Variants in ANKAR observed in about 807,000 individuals in gnomAD.
The protein encoded by ANKAR is ankyrin and armadillo repeat-containing protein.
Under a neutral mutation model 146.2 loss-of-function variants are expected in ANKAR, and 136 were observed. The observed-to-expected ratio is 0.93, with a 90% CI of 0.81 to 1.07. ANKAR has a LOEUF of 1.07. Ranked by LOEUF, ANKAR falls within the 50% of genes least tolerant of loss-of-function variation. ANKAR has a pLI of 0.00. For synonymous variants in ANKAR, 500 were observed against 575.8 expected, an observed-to-expected ratio of 0.87 and a Z score of 1.88; for missense variants, 1,567 against 1,679.9, an observed-to-expected ratio of 0.93 and a Z score of 1.18.
chr2:189,720,073 T>C (rs2041053852), intron 11 of ANKAR, among the ~76,000 whole-genome samples: 1 of 152,188 alleles, frequency 6.6e-6, no homozygotes, highest in Non-Finnish European at 1.5e-5. Context: ...CAGTGCAGTG[T>C]CTACAATGGC....
intron 15 of ANKAR, among the ~76,000 whole-genome samples, chr2:189,729,715 T>TGTGTGTGTGTGTGTGTGTGTGGGG (rs61101787): frequency 2.8e-5 from 4 of 141,484 alleles, no homozygotes; most frequent in East Asian, 4.4e-4. Context: ...TGTGTGTGTG[T>TGTGTGTGTGTGTGTGTGTGTGGGG]GGTGCGGGTG....
At chr2:189,691,229 T>A (rs2036346132) in intron 3 of ANKAR, among the ~76,000 whole-genome samples, 1 of 152,186 alleles carries the variant, frequency 6.6e-6, no homozygotes, top group Non-Finnish European at 1.5e-5. Flanking sequence ...CTAATTTTTC[T>A]GTTTTTAGTA....
intron 10 of ANKAR, among the ~76,000 whole-genome samples, chr2:189,715,831 C>A (rs2040391809): frequency 6.6e-6 from 1 of 152,144 alleles, no homozygotes; most frequent in Non-Finnish European, 1.5e-5. Flanking sequence ...GAACCAACGA[C>A]AAAAACCACA....
In ANKAR at chr2:189,745,018, C is replaced by A. The variant is rs376630822; in HGVS notation, c.4057+230C>A. Among the ~76,000 whole-genome samples the A allele has an allele frequency of 7.4e-3, 399 of 53,866 alleles. 1 individual carries two copies. The highest frequency in any genetic ancestry group is 0.015 in the South Asian group (14 of 936). The allele number at this position is 53,866 out of a possible 152,430, so 35.3% of individuals were successfully genotyped here. ...ACTACTACTACTACTACTACTACTA[C>A]TACTACTACTAATAATACAAAAATT... On this transcript the variant is annotated intron_variant, in intron 22 of 22. Coordinates refer to ENST00000684021, the MANE Select transcript of ANKAR (RefSeq NM_001378068.1).
downstream of ANKAR, chr2:189,750,755 A>G: frequency 8.7e-6 from 7 of 808,116 alleles, no homozygotes; most frequent in African/African-American, 1.8e-5. Flanking sequence ...ATAAATATCA[A>G]ATATTTAATT....
At chr2:189,702,258 TC>T (rs981194111) in intron 7 of ANKAR, among the ~76,000 whole-genome samples, 9 of 152,180 alleles carry the variant, frequency 5.9e-5, no homozygotes, top group Non-Finnish European at 1.2e-4. Flanking sequence ...CTTTTCTCCC[TC>T]CCCCTGCTGG....
chr2:189,711,205 T>G, intron 10 of ANKAR, 52 bp downstream of exon 10: 1 of 1,306,148 alleles, frequency 7.7e-7, no homozygotes, highest in Non-Finnish European at 1.1e-6. Context: ...TAGAGCTATA[T>G]TTTATTCATC....
In ANKAR at chr2:189,704,939, G is replaced by C. The variant is rs2038716103; in HGVS notation, c.1709-84G>C. 23 of 1,302,510 alleles carry C rather than the reference G, an allele frequency of 1.8e-5. No individual in the cohort carries two copies. In the South Asian group the frequency reaches 2.8e-4, roughly 16 times the overall value. 80.7% of individuals were successfully genotyped at this position (1,302,510 alleles called of 1,614,324 possible). On this transcript the variant is annotated intron_variant, in intron 7 of 22. Transcript: ENST00000684021. ...TTTATATCATACAATACTAAGCTCT[G>C]TGGCTGGATATCAATAAGGCATTTA...
rs778140524 is a variant in ANKAR, at chr2:189,746,471, C to A, written c.4149C>A (p.Phe1383Leu). 29 of 1,613,696 alleles carry A rather than the reference C, an allele frequency of 1.8e-5. No homozygotes were observed. The South Asian group carries it at 3.1e-4, about 17-fold the overall frequency. ...CTGTAACTAACTTCATGGGACTCTT[C>A]AAAGCAACAAAAAAGACCAAGGATT... ...LPPVTNFMGL[F>L]KATKKTKDSH... The change falls in exon 23 of 23, where the codon TTC becomes TTA. Residue 1383 changes from phenylalanine to leucine, a missense_variant. Coordinates refer to ENST00000684021, the MANE Select transcript of ANKAR (RefSeq NM_001378068.1).
chr2:189,744,713 T>C (rs764269909), intron 21 of ANKAR, 29 bp from the exon 22 acceptor site: 14 of 1,543,274 alleles, frequency 9.1e-6, no homozygotes, highest in East Asian at 2.3e-5. Flanking sequence ...TCTTCATTTA[T>C]TTTAATGACA....
chr2:189,732,865 C>T (rs915508793), intron 16 of ANKAR, among the ~76,000 whole-genome samples: 2 of 151,962 alleles, frequency 1.3e-5, no homozygotes, highest in Admixed American at 6.6e-5. Flanking sequence ...CTCCAGTGCC[C>T]TCAAATGGAG....
At chr2:189,718,931 A>T (rs981682905) in intron 10 of ANKAR, among the ~76,000 whole-genome samples, 5 of 151,292 alleles carry the variant, frequency 3.3e-5, no homozygotes, top group Non-Finnish European at 7.4e-5. Flanking sequence ...TTGTATTTTT[A>T]GTAGAGACGG....
chr2:189,694,975 T>A lies in ANKAR; in HGVS notation c.1308-6T>A. The A allele has an allele frequency of 7.0e-7, 1 of 1,431,406 alleles. No homozygotes were observed. The highest frequency in any genetic ancestry group is 9.3e-7 in the Non-Finnish European group (1 of 1,080,898). 88.7% of individuals were successfully genotyped at this position (1,431,406 alleles called of 1,614,324 possible). On this transcript the variant is annotated splice_polypyrimidine_tract_variant and splice_region_variant and intron_variant, in intron 5 of 22. Transcript: ENST00000684021. Reference sequence around the variant, plus strand: ...GAAACATCTTTTTTTTCTTTATTTTTTATAGCTACTATGTGATCTATTTTG... The same window carrying A: ...GAAACATCTTTTTTTTCTTTATTTTATATAGCTACTATGTGATCTATTTTG...
At chr2:189,677,945 T>C (rs1260781981) in intron 2 of ANKAR, among the ~76,000 whole-genome samples, 1 of 152,202 alleles carries the variant, frequency 6.6e-6, no homozygotes, top group Non-Finnish European at 1.5e-5. Flanking sequence ...TTCCTCTGGG[T>C]AGATACCTGG....
At chr2:189,714,286 C>T (rs1453394061) in intron 10 of ANKAR, among the ~76,000 whole-genome samples, 1 of 152,200 alleles carries the variant, frequency 6.6e-6, no homozygotes, top group Admixed American at 6.5e-5. Flanking sequence ...CAGAACTCTC[C>T]ACCCAAATCA....
intron 7 of ANKAR, among the ~76,000 whole-genome samples, chr2:189,698,737 C>T (rs1030799555): frequency 1.3e-5 from 2 of 152,164 alleles, no homozygotes; most frequent in Non-Finnish European, 2.9e-5. Flanking sequence ...AGCCCGACCT[C>T]ATTCTTCCTC....
At chr2:189,695,545 C>A (rs181445503) in intron 6 of ANKAR, among the ~76,000 whole-genome samples, 5 of 152,260 alleles carry the variant, frequency 3.3e-5, no homozygotes, top group Admixed American at 3.3e-4. Flanking sequence ...ATGGCAGAGC[C>A]AGGCTTCAGT....
intron 12 of ANKAR, among the ~76,000 whole-genome samples, chr2:189,727,405 C>T (rs1350990666): frequency 1.3e-5 from 2 of 151,344 alleles, no homozygotes; most frequent in Non-Finnish European, 2.9e-5. Context: ...TGTGGTGGTG[C>T]ACACCTGTAG....
chr2:189,674,929 TG>T, intron 1 of ANKAR, 99 bp downstream of exon 1: 1 of 152,218 alleles, frequency 6.6e-6, no homozygotes. Flanking sequence ...TGGACAGACG[TG>T]GGTTCTGTTT....
Sources: gnomAD v4.1 joint callset for allele counts (sites outside exome capture counted in the v4.1 genomes callset) on GRCh38, gnomAD v4.1.1 for gene constraint, MANE v1.5 for transcripts, NCBI Gene and HGNC (gene_info 2026-07-23, HGNC 2026-07-21) for gene names.